MAGEB16: variants seen among roughly 807,000 people sequenced by gnomAD.
The protein encoded by MAGEB16 is melanoma-associated antigen B16.
For missense variants in MAGEB16, 217 were observed against 234.0 expected (o/e 0.93, Z 0.47); for synonymous variants, 95 against 92.1 (o/e 1.03, Z -0.18).
At chrX:35,802,188 A>G in exon 2 of MAGEB16, 1 of 1,211,073 alleles carries the variant, frequency 8.3e-7, no homozygotes. Context: ...GCCACCCACA[A>G]GGGTCATCAT....
Position 35,802,354 on chromosome X carries a change from C to T in MAGEB16, c.158C>T (p.Ala53Val), listed in dbSNP as rs747087013. 1.7e-6 allele frequency: 2 copies of T among 1,209,213 alleles called. No individual in the cohort carries two copies. Among genetic ancestry groups the T allele is most frequent in the South Asian group, 3.5e-5 (2 of 56,425 alleles). ...CTAGTGCCTGGCAAACTGAAGGAAGCTCCTGCTGCTAAGGCAGAGAGTCCT... is the reference window on the plus strand; with the variant it reads ...CTAGTGCCTGGCAAACTGAAGGAAGTTCCTGCTGCTAAGGCAGAGAGTCCT... The change falls in exon 2 of 2, where the codon GCT (alanine) becomes GTT (valine). Residue 53 changes from alanine to valine, a missense_variant. By Grantham distance (64) the Ala-to-Val change is moderately conservative. Coordinates refer to ENST00000399988, the Ensembl canonical transcript of MAGEB16.
chrX:35,800,683 A>G (rs7054497), intron 1 of MAGEB16: 15 of 488,660 alleles, frequency 3.1e-5, no homozygotes, highest in Non-Finnish European at 5.1e-5. Context: ...GGCTGTCAGG[A>G]TGAGATATCT....
exon 1 of MAGEB16, chrX:35,798,347 C>G (rs73461111): frequency 9.3e-6 from 1 of 108,012 alleles, no homozygotes; most frequent in Non-Finnish European, 1.9e-5. Flanking sequence ...AGGACTGTGA[C>G]GACCTTATCT....
chrX:35,800,133 G>A (rs1336187398), intron 1 of MAGEB16, among the ~76,000 whole-genome samples: 1 of 111,370 alleles, frequency 9.0e-6, no homozygotes, highest in African/African-American at 3.3e-5. Flanking sequence ...ACTGAGGGGT[G>A]AATCTTTAGC....
chrX:35,802,686 A>T, exon 2 of MAGEB16: 1 of 1,211,311 alleles, frequency 8.3e-7, no homozygotes, highest in Non-Finnish European at 1.1e-6. Context: ...GCACCTAGAG[A>T]TGATATTTGG....
intron 1 of MAGEB16, chrX:35,800,642 C>T (rs1289078569): frequency 1.9e-6 from 1 of 519,757 alleles, no homozygotes. Context: ...CCTGCTTAGC[C>T]CTGCTGTCGG....
chrX:35,802,052 A>G (rs1934865787), intron 1 of MAGEB16, 79 bp from the exon 2 acceptor site: 2 of 666,843 alleles, frequency 3.0e-6, no homozygotes, highest in Non-Finnish European at 4.5e-6. Flanking sequence ...GGAGAAGTCT[A>G]TAGGCAGTGG....
In MAGEB16 at chrX:35,802,561, AT is replaced by A. The variant is rs748063180; in HGVS notation, c.368del (p.Phe123SerfsTer8). The stretch of plus-strand genomic sequence containing the variant: ...GACCAGAAAGTGGCTTTTTTGGTGA[AT>A]TTCATGCTGCACAAGTGTCAGATGA... On this transcript the variant is annotated frameshift_variant, in exon 2 of 2. Coordinates refer to ENST00000399988, the Ensembl canonical transcript of MAGEB16. LOFTEE classifies it low-confidence loss of function (END_TRUNC). 292 of 1,210,073 alleles carry A rather than the reference AT, an allele frequency of 2.4e-4. 1 individual carries two copies. In the East Asian group the frequency reaches 8.5e-3, roughly 35 times the overall value.
chrX:35,799,331 G>A lies in MAGEB16; in HGVS notation c.-67+913G>A, dbSNP rs150507975. On this transcript the variant is annotated intron_variant, in intron 1 of 1. Coordinates refer to ENST00000399988, the Ensembl canonical transcript of MAGEB16. Reference sequence around the variant, plus strand: ...TAGAGATGAAGTCTTGGTTGGAAGGGGGCAGCATCAGTTAGCCGACTGGAG... The same window carrying A: ...TAGAGATGAAGTCTTGGTTGGAAGGAGGCAGCATCAGTTAGCCGACTGGAG... Among the ~76,000 whole-genome samples the A allele has an allele frequency of 3.0e-3, 333 of 111,082 alleles. 2 individuals carry two copies. The highest frequency in any genetic ancestry group is 5.4e-3 in the Non-Finnish European group (285 of 52,972).
At chrX:35,802,737 G>C (rs1327744821) in exon 2 of MAGEB16, 1 of 1,209,297 alleles carries the variant, frequency 8.3e-7, no homozygotes, top group African/African-American at 1.8e-5. Context: ...CCATTGCTAT[G>C]GCCTCTTCAT....
chrX:35,802,673 T>G, exon 2 of MAGEB16: 1 of 1,211,676 alleles, frequency 8.3e-7, no homozygotes, highest in Non-Finnish European at 1.1e-6. Context: ...TGAGAGCTTC[T>G]GAGCACCTAG....
intron 1 of MAGEB16, among the ~76,000 whole-genome samples, chrX:35,800,200 CA>C (rs1305909860): frequency 9.0e-6 from 1 of 111,020 alleles, no homozygotes; most frequent in African/African-American, 3.3e-5. Flanking sequence ...TGCCTGGAGC[CA>C]AATTGTAGAC....
At chrX:35,800,659 G>A (rs1328282988) in intron 1 of MAGEB16, 6 of 513,612 alleles carry the variant, frequency 1.2e-5, no homozygotes, top group South Asian at 2.6e-5. Context: ...TCGGTTGTGG[G>A]AGGCTCTGGG....
At position 35,802,230 on chromosome X, in the gene MAGEB16, C is replaced by A; in HGVS notation, c.34C>A (p.His12Asn). Residue 12 changes from histidine (H) to asparagine (N), a missense_variant, in exon 2 of 2, where the codon CAT (histidine) becomes AAT (asparagine). His to Asn is a moderately conservative substitution (Grantham distance 68). Coordinates refer to ENST00000399988, the Ensembl canonical transcript of MAGEB16. ...GGATCAGGAGAGTCCACGATGCACA[C>A]ATGATCAGCACCTTCAGACCTTCAG... 1.7e-6 allele frequency: 2 copies of A among 1,211,634 alleles called. No homozygotes were observed. Among genetic ancestry groups the A allele is most frequent in the South Asian group, 3.5e-5 (2 of 56,937 alleles).
exon 2 of MAGEB16, chrX:35,802,274 G>A (rs774527806): frequency 1.2e-5 from 14 of 1,209,098 alleles, no homozygotes; most frequent in Non-Finnish European, 1.6e-5. Context: ...AGAGCCTGGA[G>A]GTTGCACAGG....
intron 1 of MAGEB16, among the ~76,000 whole-genome samples, chrX:35,800,143 C>T (rs760579388): frequency 9.0e-6 from 1 of 110,846 alleles, no homozygotes; most frequent in East Asian, 2.9e-4. Context: ...GAATCTTTAG[C>T]ATAAGGAGGG....
At chrX:35,802,468 A>G in exon 2 of MAGEB16, 1 of 1,210,453 alleles carries the variant, frequency 8.3e-7, no homozygotes, top group Non-Finnish European at 1.1e-6. Flanking sequence ...AGCAATCAAG[A>G]AGAGGAAGAT....
At chrX:35,802,438 G>A in exon 2 of MAGEB16, 2 of 1,209,313 alleles carry the variant, frequency 1.7e-6, no homozygotes, top group Non-Finnish European at 1.1e-6. Flanking sequence ...ACCTCATCAA[G>A]TGAATCTGAT....
intron 1 of MAGEB16, chrX:35,801,429 C>T (rs1230216536): frequency 9.0e-6 from 1 of 111,523 alleles, no homozygotes; most frequent in African/African-American, 3.3e-5. Context: ...TAAGGGCCAC[C>T]CACCCCAGAA....
Sources: allele counts gnomAD v4.1 joint callset (sites outside exome capture counted in the v4.1 genomes callset), GRCh38; gene constraint gnomAD v4.1.1; transcripts MANE v1.5; gene names NCBI Gene and HGNC (gene_info 2026-07-23, HGNC 2026-07-21).